SLC47A1: variants seen among roughly 807,000 people sequenced by gnomAD.
SLC47A1 encodes solute carrier family 47 member 1.
In SLC47A1, 58 loss-of-function variants were observed where a neutral mutation model predicts 65.8. That is an observed-to-expected ratio of 0.88 (90% CI 0.71 to 1.10). The LOEUF is 1.10. SLC47A1 is among the 50% of genes least tolerant of loss of function. The probability of loss-of-function intolerance (pLI) is 0.00; values close to 1 mark genes in which losing one functional copy is unlikely to be tolerated. For synonymous variants in SLC47A1, 285 were observed against 295.0 expected (o/e 0.97, Z 0.35); for missense variants, 706 against 719.2 (o/e 0.98, Z 0.21).
chr17:19,568,295 A>G (rs2084375402), intron 14 of SLC47A1, among the ~76,000 whole-genome samples: 1 of 152,234 alleles, frequency 6.6e-6, no homozygotes, highest in South Asian at 2.1e-4. Context: ...TAGTATTGCC[A>G]ATGCAAAGTT....
intron 15 of SLC47A1, 106 bp from the exon 16 acceptor site, chr17:19,572,674 C>T (rs1229000137): frequency 2.3e-5 from 22 of 975,808 alleles, no homozygotes; most frequent in Non-Finnish European, 3.3e-5. Context: ...TTCAGCTATA[C>T]ATGCCAATTA....
Position 19,578,188 on chromosome 17 carries a change from C to A in SLC47A1, c.*635C>A. The A allele has an allele frequency of 2.7e-6, 1 of 366,542 alleles. No individual in the cohort carries two copies. Among genetic ancestry groups the A allele is most frequent in the South Asian group, 2.0e-5 (1 of 49,390 alleles). 22.7% of individuals were successfully genotyped at this position (366,542 alleles called of 1,614,324 possible). A position where few individuals can be genotyped will look rare whatever the true frequency, so the allele number is the denominator to read the frequency against. On this transcript the variant is annotated 3_prime_UTR_variant, in exon 17 of 17. Coordinates refer to ENST00000270570, the MANE Select transcript of SLC47A1 (RefSeq NM_018242.3). Reference sequence around the variant, plus strand: ...TTCATTTGAGGTCTAGATCTAGGCACTGTGGACACTGAAAAACAGTTGGGA... The same window carrying A: ...TTCATTTGAGGTCTAGATCTAGGCAATGTGGACACTGAAAAACAGTTGGGA...
At chr17:19,536,624 G>A (rs1047581268) in intron 1 of SLC47A1, among the ~76,000 whole-genome samples, 1 of 152,202 alleles carries the variant, frequency 6.6e-6, no homozygotes, top group African/African-American at 2.4e-5. Context: ...CTCTCATGAA[G>A]TGTATGTGGA....
chr17:19,560,341 T>G, intron 11 of SLC47A1, 45 bp downstream of exon 11: 1 of 1,608,810 alleles, frequency 6.2e-7, no homozygotes, highest in Non-Finnish European at 8.5e-7. Context: ...AGTCTCTGCA[T>G]GCAAAACCCA....
chr17:19,542,693 C>T (rs1040173796), intron 2 of SLC47A1, among the ~76,000 whole-genome samples, 199 bp downstream of exon 2: 3 of 152,062 alleles, frequency 2.0e-5, no homozygotes, highest in African/African-American at 7.2e-5. Flanking sequence ...GCTGTGTAAC[C>T]TTGCAGATTC....
At chr17:19,565,730 G>A (rs1195155663) in intron 12 of SLC47A1, among the ~76,000 whole-genome samples, 3 of 151,746 alleles carry the variant, frequency 2.0e-5, no homozygotes, top group East Asian at 1.9e-4. Flanking sequence ...ACAGGCGCCC[G>A]CCACCACGCC....
intron 5 of SLC47A1, 26 bp from the exon 6 acceptor site, chr17:19,551,398 C>G: frequency 1.3e-6 from 2 of 1,583,274 alleles, no homozygotes; most frequent in Non-Finnish European, 1.7e-6. Flanking sequence ...GAAACATTAA[C>G]ATTCATCTCT....
chr17:19,551,034 C>T (rs939194146), intron 5 of SLC47A1, among the ~76,000 whole-genome samples: 5 of 152,188 alleles, frequency 3.3e-5, no homozygotes, highest in African/African-American at 1.2e-4. Flanking sequence ...GCTTACTTAT[C>T]CTGAAACCTT....
At chr17:19,535,878 G>A (rs1259290176) in intron 1 of SLC47A1, among the ~76,000 whole-genome samples, 1 of 152,200 alleles carries the variant, frequency 6.6e-6, no homozygotes, top group African/African-American at 2.4e-5. Context: ...ATATTCATTT[G>A]TAAAATGGAG....
At chr17:19,536,939 C>G (rs1272617766) in intron 1 of SLC47A1, among the ~76,000 whole-genome samples, 1 of 152,166 alleles carries the variant, frequency 6.6e-6, no homozygotes, top group East Asian at 1.9e-4. Flanking sequence ...GAAATGTGAG[C>G]CGAATGGTGC....
chr17:19,564,440 A>C (rs1427175384), intron 12 of SLC47A1: 1 of 152,172 alleles, frequency 6.6e-6, no homozygotes, highest in Non-Finnish European at 1.5e-5. Context: ...AGAATATAGA[A>C]AGGAAAATTA....
In SLC47A1 at chr17:19,577,428, C is replaced by T. The variant is rs992711736; in HGVS notation, c.1588C>T (p.His530Tyr). ...QMRQEEPLPE[H>Y]PQDGAKLSRK... ...GCGCCAAGAAGAACCTTTGCCGGAA[C>T]ATCCACAGGACGGCGCTAAATTGTC... Residue 530 changes from histidine to tyrosine, a missense_variant, in exon 17 of 17, where the codon CAT becomes TAT. Coordinates refer to ENST00000270570, the MANE Select transcript of SLC47A1 (RefSeq NM_018242.3). 6.2e-7 allele frequency: 1 copy of T among 1,614,234 alleles called. No individual in the cohort carries two copies. Among genetic ancestry groups the T allele is most frequent in the Non-Finnish European group, 8.5e-7 (1 of 1,180,038 alleles).
Position 19,548,091 on chromosome 17 carries a change from A to G in SLC47A1, c.413A>G (p.Gln138Arg). 6.2e-7 allele frequency: 1 copy of G among 1,613,976 alleles called. No homozygotes were observed. The highest frequency in any genetic ancestry group is 1.3e-5 in the African/African-American group (1 of 75,024). The change falls in exon 4 of 17, where the codon CAG (glutamine) becomes CGG (arginine). Residue 138 changes from glutamine to arginine, a missense_variant. Physicochemically the swap from Gln to Arg is conservative, Grantham distance 43. Transcript: ENST00000270570. Reference protein sequence around the residue: ...FPCWALFLNTQHILLLFRQDP... With the variant: ...FPCWALFLNTRHILLLFRQDP... Reference sequence around the variant, plus strand: ...TGCTGGGCGCTCTTTCTCAACACCCAGCACATCCTGCTGCTCTTCAGGCAG... The same window carrying G: ...TGCTGGGCGCTCTTTCTCAACACCCGGCACATCCTGCTGCTCTTCAGGCAG...
intron 14 of SLC47A1, among the ~76,000 whole-genome samples, chr17:19,568,698 T>G (rs2084377757): frequency 6.6e-6 from 1 of 152,162 alleles, no homozygotes; most frequent in Non-Finnish European, 1.5e-5. Flanking sequence ...ATTCAAAATG[T>G]GCAGTACATT....
At chr17:19,534,339 G>A (rs1597489778) in intron 1 of SLC47A1, 1 of 405,272 alleles carries the variant, frequency 2.5e-6, no homozygotes, top group East Asian at 4.1e-5. Context: ...TGTTGGCTCG[G>A]AGAGGCCGGC....
At chr17:19,572,470 T>C (rs2084407306) in intron 15 of SLC47A1, among the ~76,000 whole-genome samples, 1 of 152,004 alleles carries the variant, frequency 6.6e-6, no homozygotes, top group South Asian at 2.1e-4. Context: ...TTTTTTTTGT[T>C]GTTGTTGTTA....
intron 2 of SLC47A1, among the ~76,000 whole-genome samples, chr17:19,543,865 G>C (rs1916218343): frequency 6.6e-6 from 1 of 152,192 alleles, no homozygotes; most frequent in African/African-American, 2.4e-5. Flanking sequence ...AGGCATTTGA[G>C]TTTGCTATCC....
At chr17:19,559,081 T>G (rs1409041427) in intron 10 of SLC47A1, among the ~76,000 whole-genome samples, 1 of 152,240 alleles carries the variant, frequency 6.6e-6, no homozygotes, top group Non-Finnish European at 1.5e-5. Context: ...TCCTACATGC[T>G]TCTTCTAAGC....
intron 16 of SLC47A1, among the ~76,000 whole-genome samples, chr17:19,573,583 G>C (rs2152317768): frequency 6.6e-6 from 1 of 151,848 alleles, no homozygotes; most frequent in African/African-American, 2.4e-5. Context: ...ATGGTGTGCA[G>C]TGTAGCTCAC....
Sources: gnomAD v4.1 joint callset for allele counts (sites outside exome capture counted in the v4.1 genomes callset) on GRCh38, gnomAD v4.1.1 for gene constraint, MANE v1.5 for transcripts, NCBI Gene and HGNC (gene_info 2026-07-23, HGNC 2026-07-21) for gene names.